Variants in MITF observed in about 807,000 individuals in gnomAD.
MITF encodes the protein melanocyte inducing transcription factor.
A neutral mutation model predicts 60.5 loss-of-function variants in MITF; 17 were observed. That is an observed-to-expected ratio of 0.28 (90% CI 0.19 to 0.42). MITF has a LOEUF of 0.42. Ranked by LOEUF, MITF falls within the 10% of genes least tolerant of loss-of-function variation. The pLI, the probability that MITF is intolerant of heterozygous loss-of-function variation, is 1.00. For synonymous variants in MITF, 260 were observed against 248.5 expected (o/e 1.05, Z -0.43); for missense variants, 622 against 683.5 (o/e 0.91, Z 1.00).
rs200766286 is a variant in MITF at position 69,965,100 on chromosome 3, G to A, written c.1433G>A (p.Gly478Glu). 5.1e-5 allele frequency: 82 copies of A among 1,613,950 alleles called. No individual in the cohort carries two copies. The highest frequency in any genetic ancestry group is 8.9e-5 in the East Asian group (4 of 44,872). Residue 478 changes from glycine (G) to glutamate (E), a missense_variant, in exon 10 of 10, where the codon GGA becomes GAA. By Grantham distance (98) the Gly-to-Glu change is moderately conservative (BLOSUM62 -2). Around this residue, in one of 5 missense-constraint regions of MITF, gnomAD observed 224 missense variants for 209.5 expected, o/e 1.07. Coordinates refer to ENST00000352241, the MANE Select transcript of MITF (RefSeq NM_001354604.2). ...GCCTATAGTGTCCCCACAAAAATGG[G>A]ATCCAAACTGGAAGACATCCTGATG... The part of the protein sequence containing the change: ...NQAYSVPTKM[G>E]SKLEDILMDD...
intron 2 of MITF, among the ~76,000 whole-genome samples, chr3:69,909,211 A>T (rs1427696130): frequency 6.6e-6 from 1 of 152,112 alleles, no homozygotes; most frequent in African/African-American, 2.4e-5. Flanking sequence ...TGATGGGTTT[A>T]TCAGGGGTTT....
In MITF at chr3:69,796,494, C is replaced by CTTTTTTTTT. The variant is rs767834091; in HGVS notation, c.104+56808_104+56816dup. ...TGTGAAGCTTACAAACACCGTCTTTCTTTTTTTTTTTTTTTTTTTTTTTGA... is the reference window on the plus strand; with the variant it reads ...TGTGAAGCTTACAAACACCGTCTTTCTTTTTTTTTTTTTTTTTTTTTTTTTTTTTTTTGA... On this transcript the variant is annotated intron_variant, in intron 1 of 9. Coordinates refer to ENST00000352241, the MANE Select transcript of MITF (RefSeq NM_001354604.2). Among the ~76,000 whole-genome samples, 56 of 80,306 alleles carry CTTTTTTTTT rather than the reference C, an allele frequency of 7.0e-4. 3 individuals are homozygous for CTTTTTTTTT. The highest frequency in any genetic ancestry group is 1.7e-3 in the African/African-American group (39 of 22,780). 52.7% of individuals were successfully genotyped at this position (80,306 alleles called of 152,430 possible). A position where few individuals can be genotyped will look rare whatever the true frequency, so the allele number is the denominator to read the frequency against.
At chr3:69,883,625 C>T (rs1299693516) in intron 2 of MITF, among the ~76,000 whole-genome samples, 1 of 152,076 alleles carries the variant, frequency 6.6e-6, no homozygotes, top group Non-Finnish European at 1.5e-5. Flanking sequence ...CACAACCTAC[C>T]CTTAGATTTT....
intron 1 of MITF, among the ~76,000 whole-genome samples, chr3:69,823,646 A>T (rs1041287219): frequency 3.9e-5 from 6 of 152,220 alleles, no homozygotes; most frequent in African/African-American, 1.4e-4. Context: ...GTAAATATGT[A>T]TTATGGATTA....
chr3:69,801,613 T>C (rs1399951993), intron 1 of MITF, among the ~76,000 whole-genome samples: 3 of 152,162 alleles, frequency 2.0e-5, no homozygotes, highest in African/African-American at 7.2e-5. Flanking sequence ...AAGAGGCAAC[T>C]GTGATATATT....
chr3:69,788,803 G>T (rs922275096), intron 1 of MITF, among the ~76,000 whole-genome samples: 1 of 152,024 alleles, frequency 6.6e-6, no homozygotes, highest in African/African-American at 2.4e-5. Flanking sequence ...TTGCATATAC[G>T]GTCAAATGAT....
intron 1 of MITF, among the ~76,000 whole-genome samples, chr3:69,793,682 A>G (rs1412002643): frequency 6.6e-6 from 1 of 152,212 alleles, no homozygotes; most frequent in Non-Finnish European, 1.5e-5. Context: ...GTGGAAGAAC[A>G]CTACTTTTCT....
chr3:69,833,721 G>T lies in MITF; in HGVS notation c.105-45413G>T, dbSNP rs62252222. ...CTGTATGTGGTTCTCTGTTTACACT[G>T]TATGTGCTTTTTTCTCTGTTTACAC... is the stretch of plus-strand genomic sequence containing the variant. On this transcript the variant is annotated intron_variant, in intron 1 of 9. Coordinates refer to ENST00000352241, the MANE Select transcript of MITF (RefSeq NM_001354604.2). Among the ~76,000 whole-genome samples the T allele has an allele frequency of 3.9e-5, 5 of 129,372 alleles. No individual in the cohort carries two copies. In the South Asian group the frequency reaches 1.1e-3, roughly 29 times the overall value. 84.9% of individuals were successfully genotyped at this position (129,372 alleles called of 152,430 possible).
At chr3:69,938,536 T>A (rs781022827) in intron 3 of MITF, 53 of 1,433,596 alleles carry the variant, frequency 3.7e-5, no homozygotes, top group Non-Finnish European at 4.6e-5. Flanking sequence ...ATTTGAATCA[T>A]ATAGCACATG....
At chr3:69,925,838 G>T (rs555112831) in intron 2 of MITF, among the ~76,000 whole-genome samples, 1 of 152,232 alleles carries the variant, frequency 6.6e-6, no homozygotes, top group East Asian at 1.9e-4. Flanking sequence ...CACCCAACTT[G>T]TTGCTTCTAG....
At chr3:69,818,749 CTT>C (rs767483844) in intron 1 of MITF, among the ~76,000 whole-genome samples, 2 of 151,660 alleles carry the variant, frequency 1.3e-5, no homozygotes, top group African/African-American at 2.4e-5. Flanking sequence ...TTAAAGAAAA[CTT>C]TTATGAATAT....
At chr3:69,750,696 T>C (rs1387397920) in intron 1 of MITF, among the ~76,000 whole-genome samples, 1 of 152,080 alleles carries the variant, frequency 6.6e-6, no homozygotes, top group Non-Finnish European at 1.5e-5. Flanking sequence ...GAGTAGGGTC[T>C]GAAAATTTGC....
chr3:69,949,350 G>GT (rs1295491995), intron 6 of MITF, among the ~76,000 whole-genome samples, 182 bp downstream of exon 6: 4 of 151,576 alleles, frequency 2.6e-5, no homozygotes, highest in Admixed American at 6.6e-5. Flanking sequence ...TGAAAATTCT[G>GT]TTTTTTTTCA....
At chr3:69,942,462 C>A (rs897027248) in intron 5 of MITF, among the ~76,000 whole-genome samples, 1 of 151,796 alleles carries the variant, frequency 6.6e-6, no homozygotes, top group African/African-American at 2.4e-5. Flanking sequence ...TTAGCATTTT[C>A]TTTTCTTTTT....
chr3:69,903,870 C>T (rs997331123), intron 2 of MITF, among the ~76,000 whole-genome samples: 9 of 152,094 alleles, frequency 5.9e-5, no homozygotes, highest in East Asian at 1.9e-4. Flanking sequence ...ACTGGATGTG[C>T]GACTTGGAAG....
At chr3:69,786,731 G>A (rs967412400) in intron 1 of MITF, among the ~76,000 whole-genome samples, 1 of 152,156 alleles carries the variant, frequency 6.6e-6, no homozygotes, top group Non-Finnish European at 1.5e-5. Flanking sequence ...GCATACATCC[G>A]TGGAAATACC....
intron 7 of MITF, among the ~76,000 whole-genome samples, chr3:69,953,259 A>G (rs1325306104): frequency 6.6e-6 from 1 of 152,188 alleles, no homozygotes; most frequent in Non-Finnish European, 1.5e-5. Context: ...ATAATTAGGC[A>G]TTATCCAAAA....
chr3:69,829,961 G>C (rs1215126108), intron 1 of MITF, among the ~76,000 whole-genome samples: 1 of 152,110 alleles, frequency 6.6e-6, no homozygotes, highest in Non-Finnish European at 1.5e-5. Context: ...ACGTATCACT[G>C]TTTCCTCTAG....
At chr3:69,898,509 A>G (rs772600154) in intron 2 of MITF, among the ~76,000 whole-genome samples, 1 of 152,196 alleles carries the variant, frequency 6.6e-6, no homozygotes, top group African/African-American at 2.4e-5. Context: ...AAAGAAGAGT[A>G]TTGTACACAC....
Sources: gnomAD v4.1 joint callset for allele counts (sites outside exome capture counted in the v4.1 genomes callset) on GRCh38, gnomAD v4.1.1 for gene constraint, gnomAD v4.1.1 regional missense constraint, MANE v1.5 for transcripts, NCBI Gene and HGNC (gene_info 2026-07-23, HGNC 2026-07-21) for gene names.